Variants in RSRC1 observed in about 807,000 individuals in gnomAD.
RSRC1 encodes the protein serine/Arginine-related protein 53.
Under a neutral mutation model 49.1 loss-of-function variants are expected in RSRC1, and 39 were observed. The observed-to-expected ratio is 0.79, with a 90% CI of 0.61 to 1.04. RSRC1 has a LOEUF of 1.04. RSRC1 is among the 50% of genes least tolerant of loss of function. RSRC1 has a pLI of 0.00. For synonymous variants in RSRC1, 143 were observed against 130.8 expected, an observed-to-expected ratio of 1.09 and a Z score of -0.63; for missense variants, 388 against 402.4, an observed-to-expected ratio of 0.96 and a Z score of 0.31.
intron 6 of RSRC1, among the ~76,000 whole-genome samples, chr3:158,355,409 A>G (rs947257102): frequency 7.2e-5 from 11 of 151,752 alleles, no homozygotes; most frequent in Admixed American, 6.6e-4. Context: ...ATTTAAGACT[A>G]ACTCCTCCAT....
intron 7 of RSRC1, 155 bp downstream of exon 7, chr3:158,461,158 A>G (rs1737590935): frequency 2.2e-6 from 1 of 459,412 alleles, no homozygotes; most frequent in African/African-American, 2.0e-5. Context: ...ATTGTCTTGG[A>G]CACTAATGTT....
chr3:158,290,418 G>A (rs1049754827), intron 4 of RSRC1, among the ~76,000 whole-genome samples: 10 of 151,944 alleles, frequency 6.6e-5, no homozygotes, highest in African/African-American at 2.2e-4. Flanking sequence ...GACTACAGGC[G>A]CCCGCCACCA....
chr3:158,340,267 G>T lies in RSRC1; in HGVS notation c.532-14590G>T, dbSNP rs186949380. On this transcript the variant is annotated intron_variant, in intron 5 of 9. Coordinates refer to ENST00000611884, the MANE Select transcript of RSRC1 (RefSeq NM_001271838.2). ...TTTTCTCTTGCCGCTCCCTGGCCAG[G>T]CATGGTGGCTTACACCTGTAATCCC... Among the ~76,000 whole-genome samples, 612 of 152,246 alleles carry T rather than the reference G, an allele frequency of 4.0e-3. 10 individuals carry two copies. Among genetic ancestry groups the T allele is most frequent in the Non-Finnish European group, 2.6e-3 (177 of 68,022 alleles).
At chr3:158,301,499 G>T (rs1727546783) in intron 5 of RSRC1, among the ~76,000 whole-genome samples, 1 of 152,042 alleles carries the variant, frequency 6.6e-6, no homozygotes, top group South Asian at 2.1e-4. Context: ...GATTGTCCCA[G>T]ATTTATCAAG....
intron 7 of RSRC1, among the ~76,000 whole-genome samples, chr3:158,512,001 T>G (rs1740215441): frequency 6.7e-6 from 1 of 148,782 alleles, no homozygotes; most frequent in South Asian, 2.2e-4. Flanking sequence ...TGGAGTTCAT[T>G]GTAGATTCTG....
intron 6 of RSRC1, among the ~76,000 whole-genome samples, chr3:158,379,813 T>C (rs200541459): frequency 1.4e-5 from 1 of 72,188 alleles, no homozygotes; most frequent in Non-Finnish European, 3.3e-5. Context: ...CACACGCGCA[T>C]GCACACACAC....
intron 7 of RSRC1, among the ~76,000 whole-genome samples, chr3:158,518,149 T>TACA (rs1491305666): frequency 1.3e-5 from 1 of 74,404 alleles, no homozygotes; most frequent in African/African-American, 6.9e-5. Flanking sequence ...TATATATATA[T>TACA]TTTTTTTTTT....
chr3:158,241,980 T>C (rs7640632), intron 4 of RSRC1, among the ~76,000 whole-genome samples: 2 of 151,622 alleles, frequency 1.3e-5, no homozygotes, highest in Non-Finnish European at 2.9e-5. Flanking sequence ...ATGATATGAA[T>C]GTTTCTATCA....
chr3:158,508,363 C>T (rs1739970326), intron 7 of RSRC1, among the ~76,000 whole-genome samples: 1 of 151,822 alleles, frequency 6.6e-6, no homozygotes, highest in Non-Finnish European at 1.5e-5. Context: ...GTGTGTGTCT[C>T]TGTATGTCAC....
chr3:158,152,619 A>G (rs1007896279), intron 3 of RSRC1, among the ~76,000 whole-genome samples: 1 of 152,180 alleles, frequency 6.6e-6, no homozygotes, highest in African/African-American at 2.4e-5. Flanking sequence ...GTAGGAGTTA[A>G]TTTGGTATAT....
intron 5 of RSRC1, among the ~76,000 whole-genome samples, chr3:158,312,447 G>C (rs924045634): frequency 6.6e-6 from 1 of 152,160 alleles, no homozygotes; most frequent in African/African-American, 2.4e-5. Context: ...AGATGACTCT[G>C]TCCTTATGAA....
intron 4 of RSRC1, among the ~76,000 whole-genome samples, chr3:158,251,994 G>C (rs1228305281): frequency 6.6e-6 from 1 of 152,016 alleles, no homozygotes; most frequent in Non-Finnish European, 1.5e-5. Flanking sequence ...TTTTCCTTCT[G>C]TACCCAGCTT....
chr3:158,398,482 T>C (rs1392001226), intron 6 of RSRC1, among the ~76,000 whole-genome samples: 1 of 152,070 alleles, frequency 6.6e-6, no homozygotes, highest in African/African-American at 2.4e-5. Context: ...CTGTAGCTCT[T>C]TTATGAGGCA....
chr3:158,352,915 AC>A (rs1330288173), intron 5 of RSRC1, among the ~76,000 whole-genome samples: 1 of 152,084 alleles, frequency 6.6e-6, no homozygotes, highest in African/African-American at 2.4e-5. Context: ...ACAGTTTATG[AC>A]TTTTATATTC....
intron 3 of RSRC1, among the ~76,000 whole-genome samples, chr3:158,144,093 G>C (rs1716923258): frequency 6.6e-6 from 1 of 152,138 alleles, no homozygotes; most frequent in Non-Finnish European, 1.5e-5. Flanking sequence ...GGGATTGTAA[G>C]TAGAATAAAC....
At position 158,539,247 on chromosome 3, in the gene RSRC1, C is replaced by T. The variant is rs1473385079; in HGVS notation, c.759+2049C>T. On this transcript the variant is annotated intron_variant, in intron 8 of 9. Coordinates refer to ENST00000611884, the MANE Select transcript of RSRC1 (RefSeq NM_001271838.2). This position sits in a 1 kb window ranked among gnomAD's most constrained non-coding sequence, Gnocchi z 4.1. ...TGCTGGCCACCCCTTCAGTTGGTAC[C>T]GTATTTGTTTAGCTGTGTTAATTCC... Among the ~76,000 whole-genome samples, 1 of 151,904 alleles carries T rather than the reference C, an allele frequency of 6.6e-6. No homozygotes were observed. The highest frequency in any genetic ancestry group is 1.5e-5 in the Non-Finnish European group (1 of 67,896).
chr3:158,118,310 G>T (rs996904382), intron 1 of RSRC1, among the ~76,000 whole-genome samples: 10 of 151,922 alleles, frequency 6.6e-5, no homozygotes, highest in South Asian at 2.1e-4. Context: ...GAGTGCAGCG[G>T]TGCAGTCATA....
Position 158,220,883 on chromosome 3 carries a change from GCCTTTGCTGTTA to G in RSRC1, c.494+17639_494+17650del, listed in dbSNP as rs1722192287. On this transcript the variant is annotated intron_variant, in intron 4 of 9. Coordinates refer to ENST00000611884, the MANE Select transcript of RSRC1 (RefSeq NM_001271838.2). ...CAGTAATCACCTAAACATGGATTCT[GCCTTTGCTGTTA>G]GGGAACCATAGTAAAAATCACTAAT... is the stretch of plus-strand genomic sequence containing the variant. Among the ~76,000 whole-genome samples, 5 of 151,608 alleles carry G rather than the reference GCCTTTGCTGTTA, an allele frequency of 3.3e-5. No homozygotes were observed. In the South Asian group the frequency reaches 1.0e-3, roughly 32 times the overall value.
At chr3:158,238,468 A>G (rs904729199) in intron 4 of RSRC1, among the ~76,000 whole-genome samples, 1 of 152,172 alleles carries the variant, frequency 6.6e-6, no homozygotes, top group Admixed American at 6.5e-5. Context: ...TTCAAACTAT[A>G]CTACAAGGCT....
Sources: allele counts gnomAD v4.1 joint callset (sites outside exome capture counted in the v4.1 genomes callset), GRCh38; gene constraint gnomAD v4.1.1; non-coding constraint Gnocchi (gnomAD v3.1); transcripts MANE v1.5; gene names NCBI Gene and HGNC (gene_info 2026-07-23, HGNC 2026-07-21).